Variants in TSPAN9 observed in about 807,000 individuals in gnomAD.
TSPAN9 encodes the protein tetraspanin-9.
Under a neutral mutation model 31.0 loss-of-function variants are expected in TSPAN9, and 16 were observed. The ratio of observed to expected loss-of-function variants is 0.52; its 90% confidence interval spans 0.35 to 0.78. The LOEUF is 0.78. Ranked by LOEUF, TSPAN9 falls within the 30% of genes least tolerant of loss-of-function variation. TSPAN9 has a pLI of 0.01. For synonymous variants in TSPAN9, 145 were observed against 121.6 expected, an observed-to-expected ratio of 1.19 and a Z score of -1.27; for missense variants, 272 against 312.5, an observed-to-expected ratio of 0.87 and a Z score of 0.98.
chr12:3,266,634 G>A (rs1339442842), intron 3 of TSPAN9, among the ~76,000 whole-genome samples: 1 of 152,240 alleles, frequency 6.6e-6, no homozygotes, highest in Non-Finnish European at 1.5e-5. Flanking sequence ...GAGCCCTGAA[G>A]TGGGCACAGT....
intron 3 of TSPAN9, among the ~76,000 whole-genome samples, chr12:3,255,247 C>G (rs567929330): frequency 6.6e-6 from 1 of 152,322 alleles, no homozygotes; most frequent in East Asian, 1.9e-4. Context: ...CTGTGTTAGG[C>G]GAGCCCGGGT....
intron 2 of TSPAN9, among the ~76,000 whole-genome samples, chr12:3,157,903 C>T (rs1036590494): frequency 2.0e-5 from 3 of 152,148 alleles, no homozygotes; most frequent in African/African-American, 7.2e-5. Flanking sequence ...AAAACAGCAC[C>T]CCCTGATTAA....
intron 3 of TSPAN9, among the ~76,000 whole-genome samples, chr12:3,250,182 G>A (rs1289178661): frequency 6.6e-6 from 1 of 152,070 alleles, no homozygotes; most frequent in Non-Finnish European, 1.5e-5. Context: ...AAGTCCTCTG[G>A]ATCTTAGCCA....
At chr12:3,102,982 A>G (rs970670123) in intron 2 of TSPAN9, among the ~76,000 whole-genome samples, 7 of 152,166 alleles carry the variant, frequency 4.6e-5, no homozygotes, top group African/African-American at 1.7e-4. Context: ...GCTCCAGGCC[A>G]CTTGCTGTTA....
At chr12:3,210,138 A>T (rs1168215562) in intron 3 of TSPAN9, among the ~76,000 whole-genome samples, 1 of 151,594 alleles carries the variant, frequency 6.6e-6, no homozygotes, top group Admixed American at 6.6e-5. Flanking sequence ...CGTCTCAAAA[A>T]AAAAAAAAAG....
chr12:3,169,552 C>T (rs1016508052), intron 2 of TSPAN9, among the ~76,000 whole-genome samples: 3 of 152,154 alleles, frequency 2.0e-5, no homozygotes, highest in South Asian at 2.1e-4. Flanking sequence ...GGTATGACAG[C>T]CTGGGAAAAG....
chr12:3,092,867 G>A (rs1333585206), intron 2 of TSPAN9, among the ~76,000 whole-genome samples: 7 of 152,186 alleles, frequency 4.6e-5, no homozygotes, highest in Non-Finnish European at 5.9e-5. Flanking sequence ...CAGAGAGGCC[G>A]CAGTCAACTG....
chr12:3,161,801 ATCT>A (rs1565597880), intron 2 of TSPAN9, among the ~76,000 whole-genome samples: 35 of 151,056 alleles, frequency 2.3e-4, no homozygotes, highest in Non-Finnish European at 1.3e-4. Flanking sequence ...CTATCTATCT[ATCT>A]ATCTATCTAT....
At chr12:3,095,567 T>C (rs1483040364) in intron 2 of TSPAN9, among the ~76,000 whole-genome samples, 1 of 97,016 alleles carries the variant, frequency 1.0e-5, no homozygotes, top group Non-Finnish European at 2.2e-5. Flanking sequence ...CACTTCCCAG[T>C]AGGGGCGGCC....
At chr12:3,122,132 G>A (rs922424946) in intron 2 of TSPAN9, among the ~76,000 whole-genome samples, 1 of 152,012 alleles carries the variant, frequency 6.6e-6, no homozygotes, top group African/African-American at 2.4e-5. Context: ...TCAGGAGATC[G>A]AGACCATCCT....
intron 3 of TSPAN9, among the ~76,000 whole-genome samples, chr12:3,221,352 A>ATTTTTTTTTTTTTTTTTTTTTTTT: frequency 7.6e-6 from 1 of 131,646 alleles, no homozygotes; most frequent in Non-Finnish European, 1.6e-5. Flanking sequence ...TATTTAAAAT[A>ATTTTTTTTTTTTTTTTTTTTTTTT]TTTTTCTCTT....
At chr12:3,130,564 C>T (rs1290464879) in intron 2 of TSPAN9, among the ~76,000 whole-genome samples, 3 of 152,232 alleles carry the variant, frequency 2.0e-5, no homozygotes, top group African/African-American at 4.8e-5. Flanking sequence ...TAGGGCTTCT[C>T]GGGACTGGCC....
At chr12:3,150,991 C>T (rs766657082) in intron 2 of TSPAN9, 2 of 152,278 alleles carry the variant, frequency 1.3e-5, no homozygotes, top group African/African-American at 2.4e-5. Flanking sequence ...GCAGCGTCCC[C>T]AGCCTCCAGC....
intron 2 of TSPAN9, among the ~76,000 whole-genome samples, chr12:3,109,660 T>C (rs1410393086): frequency 2.0e-5 from 3 of 151,616 alleles, no homozygotes; most frequent in South Asian, 4.2e-4. Context: ...TAGCCGGGCA[T>C]CGTGGCAGGC....
intron 2 of TSPAN9, among the ~76,000 whole-genome samples, chr12:3,128,230 G>T (rs1354435027): frequency 6.6e-6 from 1 of 152,130 alleles, no homozygotes; most frequent in Non-Finnish European, 1.5e-5. Flanking sequence ...CTGAGCCAGG[G>T]ATGTGGTTCA....
rs138742432 is a variant in TSPAN9 at position 3,230,612 on chromosome 12, G to A, written c.63+29356G>A. 6.2e-3 allele frequency among the ~76,000 whole-genome samples: 948 copies of A among 152,244 alleles called. 5 individuals carry two copies. Among genetic ancestry groups the A allele is most frequent in the Non-Finnish European group, 8.1e-3 (552 of 68,012 alleles). ...CTTCGGAGTGTGGTCTTCTAAAGTG[G>A]GGGTGGCAAGGTTTCCTCAGCCCCT... On this transcript the variant is annotated intron_variant, in intron 3 of 8. Coordinates refer to ENST00000011898, the MANE Select transcript of TSPAN9 (RefSeq NM_006675.5).
chr12:3,222,763 T>G (rs984134984), intron 3 of TSPAN9, among the ~76,000 whole-genome samples: 1 of 152,352 alleles, frequency 6.6e-6, no homozygotes, highest in Admixed American at 6.5e-5. Context: ...TCACCCGTGC[T>G]GGCTTCTTCA....
chr12:3,121,627 C>CT (rs2098325210), intron 2 of TSPAN9, among the ~76,000 whole-genome samples: 1 of 142,598 alleles, frequency 7.0e-6, no homozygotes, highest in African/African-American at 2.6e-5. Flanking sequence ...ATCCTCCTGC[C>CT]TTGGCCTCCC....
intron 3 of TSPAN9, among the ~76,000 whole-genome samples, chr12:3,269,190 C>G (rs1271663585): frequency 1.7e-4 from 15 of 88,120 alleles, no homozygotes; most frequent in East Asian, 3.7e-4. Context: ...CTGTGTTTTT[C>G]CAGCCTGCCC....
Sources: allele counts gnomAD v4.1 joint callset (sites outside exome capture counted in the v4.1 genomes callset), GRCh38; gene constraint gnomAD v4.1.1; transcripts MANE v1.5; gene names NCBI Gene and HGNC (gene_info 2026-07-23, HGNC 2026-07-21).